Variants in TUBA3E observed in about 807,000 individuals in gnomAD.
The protein encoded by TUBA3E is tubulin alpha-3E chain.
In TUBA3E, 21 loss-of-function variants were observed where a neutral mutation model predicts 36.7. The ratio of observed to expected loss-of-function variants is 0.57; its 90% CI spans 0.41 to 0.83. The LOEUF (loss-of-function observed/expected upper bound fraction) is 0.83. TUBA3E is among the 40% of genes least tolerant of loss of function. The pLI is 0.00. For synonymous variants in TUBA3E, 177 were observed against 241.9 expected (o/e 0.73, Z 2.49); for missense variants, 469 against 604.2 (o/e 0.78, Z 2.35).
chr2:130,196,820 G>A (rs142141317), intron 1 of TUBA3E, among the ~76,000 whole-genome samples: 7 of 152,138 alleles, frequency 4.6e-5, no homozygotes, highest in African/African-American at 1.2e-4. Flanking sequence ...TCCTCTCTCT[G>A]CCCCCCAGTT....
chr2:130,192,783 C>G (rs1387821036), intron 4 of TUBA3E, among the ~76,000 whole-genome samples: 1 of 152,200 alleles, frequency 6.6e-6, no homozygotes, highest in Non-Finnish European at 1.5e-5. Context: ...GAGCAGGGAT[C>G]AGCAAACTCG....
intron 4 of TUBA3E, among the ~76,000 whole-genome samples, chr2:130,192,873 C>A (rs545645819): frequency 4.6e-5 from 7 of 152,106 alleles, no homozygotes; most frequent in Non-Finnish European, 1.0e-4. Context: ...GCGGGCAGAT[C>A]ACGTGAGGCC....
intron 4 of TUBA3E, among the ~76,000 whole-genome samples, chr2:130,192,331 C>T (rs1311338067): frequency 6.6e-6 from 1 of 152,168 alleles, no homozygotes; most frequent in Non-Finnish European, 1.5e-5. Context: ...GAGGTAGCCA[C>T]CCTGGTGGGA....
chr2:130,197,768 G>T lies in TUBA3E; in HGVS notation c.3+590C>A, dbSNP rs541942420. 1.2e-3 allele frequency among the ~76,000 whole-genome samples: 150 copies of T among 122,936 alleles called. 34 individuals are homozygous for T. The highest frequency in any genetic ancestry group is 1.6e-3 in the Non-Finnish European group (87 of 55,768). 80.7% of individuals were successfully genotyped at this position (122,936 alleles called of 152,430 possible). A position where few individuals can be genotyped will look rare whatever the true frequency, so the allele number is the denominator to read the frequency against. On this transcript the variant is annotated intron_variant, in intron 1 of 4. Coordinates refer to ENST00000312988, the MANE Select transcript of TUBA3E (RefSeq NM_207312.3). Reference sequence around the variant, plus strand: ...ACCACAGACTCGCATCACCATGCCCGGGTAATTTTAGTATTTTTTTGTAGA... The same window carrying T: ...ACCACAGACTCGCATCACCATGCCCTGGTAATTTTAGTATTTTTTTGTAGA...
In TUBA3E at chr2:130,195,060, T is replaced by C. The variant is rs1222034629; in HGVS notation, c.375+19A>G. On this transcript the variant is annotated intron_variant, in intron 3 of 4. Transcript: ENST00000312988. ...CCTCCCATGCAAGACAATGGCCACATGAAACCTTCTCTTCTTACCAGTTTG... is the reference window on the plus strand; with the variant it reads ...CCTCCCATGCAAGACAATGGCCACACGAAACCTTCTCTTCTTACCAGTTTG... The C allele has an allele frequency of 1.2e-6, 2 of 1,611,974 alleles. No individual in the cohort carries two copies. Among genetic ancestry groups the C allele is most frequent in the Non-Finnish European group, 1.7e-6 (2 of 1,178,420 alleles).
In TUBA3E at chr2:130,198,367, C is replaced by T; in HGVS notation, c.-7G>A. ...GTGACCCGGGTCTTACCATGGCGAA[C>T]TCCGCTGCTTCAGCCCAACGCTACT... On this transcript the variant is annotated 5_prime_UTR_variant, in exon 1 of 5. Coordinates refer to ENST00000312988, the MANE Select transcript of TUBA3E (RefSeq NM_207312.3). 7.4e-7 allele frequency: 1 copy of T among 1,357,240 alleles called. No individual in the cohort carries two copies. The highest frequency in any genetic ancestry group is 1.0e-6 in the Non-Finnish European group (1 of 995,664). The allele number at this position is 1,357,240 out of a possible 1,614,324, so 84.1% of individuals were successfully genotyped here.
At chr2:130,196,531 C>G (rs1690409386) in intron 1 of TUBA3E, among the ~76,000 whole-genome samples, 160 bp from the exon 2 acceptor site, 1 of 152,202 alleles carries the variant, frequency 6.6e-6, no homozygotes, top group African/African-American at 2.4e-5. Flanking sequence ...CCCTTTATCG[C>G]TGTGAAAACT....
In TUBA3E at chr2:130,194,001, C is replaced by T. The variant is rs748674021; in HGVS notation, c.841G>A (p.Ala281Thr). 2 of 1,614,004 alleles carry T rather than the reference C, an allele frequency of 1.2e-6. No homozygotes were observed. The highest frequency in any genetic ancestry group is 2.7e-5 in the African/African-American group (2 of 74,934). ...TYAPVISAEK[A>T]YHEQLSVAEI... ...GCCACAGACAGCTGCTCGTGGTAGG[C>T]CTTCTCAGCTGAGATGACTGGGGCG... The change falls in exon 4 of 5, where the codon GCC (alanine) becomes ACC (threonine). Residue 281 changes from alanine to threonine, a missense_variant. Physicochemically the swap from Ala to Thr is moderately conservative, Grantham distance 58. Around this residue, in one of 3 missense-constraint regions of TUBA3E, gnomAD observed 296 missense variants for 346.9 expected, o/e 0.85. Coordinates refer to ENST00000312988, the MANE Select transcript of TUBA3E (RefSeq NM_207312.3).
intron 4 of TUBA3E, among the ~76,000 whole-genome samples, chr2:130,192,868 C>A (rs940593592): frequency 3.3e-5 from 5 of 152,114 alleles, no homozygotes; most frequent in Non-Finnish European, 7.4e-5. Context: ...GACAGGCGGG[C>A]AGATCACGTG....
At position 130,196,011 on chromosome 2, in the gene TUBA3E, TC is replaced by T; in HGVS notation, c.226+137del. 4 of 1,393,168 alleles carry T rather than the reference TC, an allele frequency of 2.9e-6. No individual in the cohort carries two copies. The South Asian group carries it at 6.1e-5, about 21-fold the overall frequency. 86.3% of individuals were successfully genotyped at this position (1,393,168 alleles called of 1,614,324 possible). On this transcript the variant is annotated intron_variant, in intron 2 of 4. Coordinates refer to ENST00000312988, the MANE Select transcript of TUBA3E (RefSeq NM_207312.3). ...CACTTTCATCACAAACCTTTCAGTT[TC>T]TCTCCTAACAATGCCATGGGCATAT...
At chr2:130,193,519 G>A (rs569328425) in intron 4 of TUBA3E, among the ~76,000 whole-genome samples, 5 of 148,742 alleles carry the variant, frequency 3.4e-5, no homozygotes, top group Admixed American at 2.8e-4. Context: ...TGAGGCCAGA[G>A]AATTGCTTGA....
At position 130,194,053 on chromosome 2, in the gene TUBA3E, G is replaced by C; in HGVS notation, c.789C>G (p.Pro263=). Residue 263 remains proline (P), a synonymous_variant, in exon 4 of 5, where the codon CCC becomes CCG. Coordinates refer to ENST00000312988, the MANE Select transcript of TUBA3E (RefSeq NM_207312.3). ...AGGTGGCCAGGGGGAAGTGGATGCG[G>C]GGGTACGGCACGAGGTTGGTCTGGA... The part of the protein sequence containing the change: ...TEFQTNLVPY[P]RIHFPLATYA... The C allele has an allele frequency of 6.2e-7, 1 of 1,614,190 alleles. No homozygotes were observed. The highest frequency in any genetic ancestry group is 8.5e-7 in the Non-Finnish European group (1 of 1,180,032).
At position 130,194,499 on chromosome 2, in the gene TUBA3E, C is replaced by G. The variant is rs182062496; in HGVS notation, c.376-33G>C. The G allele has an allele frequency of 2.4e-5, 36 of 1,519,804 alleles. No individual in the cohort carries two copies. The South Asian group carries it at 4.2e-4, about 18-fold the overall frequency. The allele number at this position is 1,519,804 out of a possible 1,614,324, so 94.1% of individuals were successfully genotyped here. ...AAACCAGACAACGTGAGCCAATGCCCGTGGAAGCCACACCACCAACCTCCA... is the reference window on the plus strand; with the variant it reads ...AAACCAGACAACGTGAGCCAATGCCGGTGGAAGCCACACCACCAACCTCCA... On this transcript the variant is annotated intron_variant, in intron 3 of 4. Coordinates refer to ENST00000312988, the MANE Select transcript of TUBA3E (RefSeq NM_207312.3).
At chr2:130,193,169 C>T (rs1362421923) in intron 4 of TUBA3E, among the ~76,000 whole-genome samples, 1 of 150,098 alleles carries the variant, frequency 6.7e-6, no homozygotes. Context: ...GTGAGAGAAT[C>T]GCTAGAGTCT....
chr2:130,193,048 G>A (rs188294080), intron 4 of TUBA3E, among the ~76,000 whole-genome samples: 146 of 151,116 alleles, frequency 9.7e-4, no homozygotes, highest in East Asian at 8.3e-3. Context: ...AGTCAAGATC[G>A]TGCCACTGCA....
Position 130,194,257 on chromosome 2 carries a change from C to G in TUBA3E, c.585G>C (p.Leu195=). Residue 195 remains leucine, a synonymous_variant, in exon 4 of 5, where the codon CTG becomes CTC. Transcript: ENST00000312988. ...YNSILTTHTT[L]EHSDCAFMVD... is the part of the protein sequence containing the mutation. ...CCATGAAGGCACAGTCAGAATGTTCCAGGGTCGTGTGGGTGGTTAGGATGG... is the reference window on the plus strand; with the variant it reads ...CCATGAAGGCACAGTCAGAATGTTCGAGGGTCGTGTGGGTGGTTAGGATGG... 6.2e-7 allele frequency: 1 copy of G among 1,607,300 alleles called. No homozygotes were observed. Among genetic ancestry groups the G allele is most frequent in the Non-Finnish European group, 8.5e-7 (1 of 1,176,208 alleles).
chr2:130,191,869 A>G lies in TUBA3E; in HGVS notation c.1315T>C (p.Ser439Pro). 1 of 1,613,246 alleles carries G rather than the reference A, an allele frequency of 6.2e-7. No individual in the cohort carries two copies. Among genetic ancestry groups the G allele is most frequent in the Non-Finnish European group, 8.5e-7 (1 of 1,179,626 alleles). The change falls in exon 5 of 5, where the codon TCC becomes CCC. Residue 439 changes from serine (S) to proline (P), a missense_variant. Physicochemically the swap from Ser to Pro is moderately conservative, Grantham distance 74 (BLOSUM62 -1). Coordinates refer to ENST00000312988, the MANE Select transcript of TUBA3E (RefSeq NM_207312.3). ...EKDCEEVGVDSVEAEAEEGEA... is the reference protein window; with the variant it reads ...EKDCEEVGVDPVEAEAEEGEA... ...CCTTCTTCAGCCTCAGCTTCCACGG[A>G]ATCCACGCCCACCTCTTCACAATCC... is the stretch of plus-strand genomic sequence containing the variant.
intron 1 of TUBA3E, among the ~76,000 whole-genome samples, chr2:130,197,319 C>G (rs1334246985): frequency 6.7e-6 from 1 of 148,584 alleles, no homozygotes; most frequent in African/African-American, 2.5e-5. Context: ...AGTCCCTGTC[C>G]CTATGAAAAA....
At position 130,192,060 on chromosome 2, in the gene TUBA3E, A is replaced by G; in HGVS notation, c.1124T>C (p.Val375Ala). 2 of 1,613,642 alleles carry G rather than the reference A, an allele frequency of 1.2e-6. No individual in the cohort carries two copies. The highest frequency in any genetic ancestry group is 1.7e-6 in the Non-Finnish European group (2 of 1,179,764). The part of the protein sequence containing the change: ...GGDLAKVQRA[V>A]CMLSNTTAIA... ...GGCCGTGGTGTTGCTCAGCATGCAC[A>G]CGGCCCGCTGCACCTTGGCCAGGTC... The change falls in exon 5 of 5, where the codon GTG (valine) becomes GCG (alanine). Residue 375 changes from valine to alanine, a missense_variant. Physicochemically the swap from Val to Ala is moderately conservative, Grantham distance 64. This residue lies in a region of TUBA3E where 296 missense variants were observed against 346.9 expected (regional missense o/e 0.85). Transcript: ENST00000312988.
Sources: gnomAD v4.1 joint callset for allele counts (sites outside exome capture counted in the v4.1 genomes callset) on GRCh38, gnomAD v4.1.1 for gene constraint, gnomAD v4.1.1 regional missense constraint, MANE v1.5 for transcripts, NCBI Gene and HGNC (gene_info 2026-07-23, HGNC 2026-07-21) for gene names.